The following BBS9 variants were observed in gnomAD, a reference collection of about 807,000 sequenced individuals.
The protein encoded by BBS9 is Bardet-Biedl syndrome 9.
BBS9 carries 89 observed loss-of-function variants against 117.7 expected under a neutral mutation model. The ratio of observed to expected loss-of-function variants is 0.76; its 90% CI spans 0.64 to 0.90. The LOEUF (loss-of-function observed/expected upper bound fraction) is 0.90. Among genes scored for constraint, BBS9 ranks in the 40% least tolerant of loss-of-function variants. The pLI is 0.00. For missense variants in BBS9, 982 were observed against 1,042.2 expected (o/e 0.94, Z 0.80); for synonymous variants, 379 against 370.9 (o/e 1.02, Z -0.25).
At chr7:33,246,004 T>G (rs2128292285) in intron 5 of BBS9, among the ~76,000 whole-genome samples, 1 of 152,204 alleles carries the variant, frequency 6.6e-6, no homozygotes, top group East Asian at 1.9e-4. Flanking sequence ...ATCTTGGAAG[T>G]TTTTGAGTGG....
At chr7:33,630,975 A>G (rs1323828593) in intron 21 of BBS9, among the ~76,000 whole-genome samples, 1 of 152,180 alleles carries the variant, frequency 6.6e-6, no homozygotes, top group Non-Finnish European at 1.5e-5. Context: ...ACTTTACTCA[A>G]TGAATTCCAT....
chr7:33,456,849 A>C (rs1315130504), intron 19 of BBS9, among the ~76,000 whole-genome samples: 1 of 152,240 alleles, frequency 6.6e-6, no homozygotes, highest in African/African-American at 2.4e-5. Context: ...AATCAGTCAT[A>C]AATAGAAGGA....
Position 33,308,841 on chromosome 7 carries a change from A to G in BBS9, c.1017-27600A>G, listed in dbSNP as rs1289912342. 2.0e-5 allele frequency among the ~76,000 whole-genome samples: 3 copies of G among 152,220 alleles called. No individual in the cohort carries two copies. The South Asian group carries it at 6.2e-4, about 32-fold the overall frequency. ...AATGAGAAGACTCCACCTCTCACTT[A>G]TGGCCTCTTAGGAGCCACCAACTAT... On this transcript the variant is annotated intron_variant, in intron 9 of 22. Transcript: ENST00000242067.
chr7:33,597,145 A>T (rs1393738217), intron 21 of BBS9, among the ~76,000 whole-genome samples: 1 of 151,608 alleles, frequency 6.6e-6, no homozygotes, highest in Non-Finnish European at 1.5e-5. Context: ...ATATTTATAG[A>T]GTCTCTGAGT....
At chr7:33,334,453 T>C (rs1814848613) in intron 9 of BBS9, among the ~76,000 whole-genome samples, 1 of 152,130 alleles carries the variant, frequency 6.6e-6, no homozygotes, top group Non-Finnish European at 1.5e-5. Flanking sequence ...ATTGGGTTCG[T>C]AGGGCTTAGT....
At chr7:33,531,137 CA>C (rs1288259288) in intron 20 of BBS9, among the ~76,000 whole-genome samples, 1 of 152,152 alleles carries the variant, frequency 6.6e-6, no homozygotes, top group African/African-American at 2.4e-5. Flanking sequence ...CCCAGCTACT[CA>C]GGAGGCTGAG....
At chr7:33,488,544 A>G (rs1177945358) in intron 19 of BBS9, among the ~76,000 whole-genome samples, 1 of 152,218 alleles carries the variant, frequency 6.6e-6, no homozygotes, top group East Asian at 1.9e-4. Context: ...TCTGGGCCTT[A>G]GAACTTTTCT....
At chr7:33,590,477 T>TTTTTTA (rs1861724062) in intron 21 of BBS9, among the ~76,000 whole-genome samples, 5 of 150,012 alleles carry the variant, frequency 3.3e-5, no homozygotes, top group African/African-American at 1.2e-4. Flanking sequence ...TTTTTTTTTT[T>TTTTTTA]ACCAGATCAG....
chr7:33,405,873 T>C (rs1390247536), intron 19 of BBS9, among the ~76,000 whole-genome samples: 1 of 152,344 alleles, frequency 6.6e-6, no homozygotes, highest in Non-Finnish European at 1.5e-5. Flanking sequence ...TAGTTATTTC[T>C]TGCCTTCTGC....
chr7:33,229,944 T>C (rs1001868205), intron 5 of BBS9, among the ~76,000 whole-genome samples: 3 of 152,154 alleles, frequency 2.0e-5, no homozygotes, highest in Non-Finnish European at 4.4e-5. Flanking sequence ...TTTTTGATAA[T>C]AGCCATCTAA....
intron 5 of BBS9, among the ~76,000 whole-genome samples, chr7:33,214,667 A>G (rs1460491839): frequency 6.6e-6 from 1 of 152,146 alleles, no homozygotes; most frequent in Non-Finnish European, 1.5e-5. Context: ...TTACAATGAA[A>G]ACTATAAAAC....
chr7:33,259,482 G>T (rs553306820), intron 6 of BBS9, among the ~76,000 whole-genome samples: 1 of 152,164 alleles, frequency 6.6e-6, no homozygotes, highest in South Asian at 2.1e-4. Flanking sequence ...ATCTAATTCA[G>T]GGGCACACTT....
At chr7:33,607,106 G>A (rs1864616088), downstream of BBS9, among the ~76,000 whole-genome samples, 1 of 151,954 alleles carries the variant, frequency 6.6e-6, no homozygotes, top group African/African-American at 2.4e-5. Context: ...TCCTTTCCTG[G>A]TAGGATAGAT....
intron 19 of BBS9, among the ~76,000 whole-genome samples, chr7:33,400,155 A>G (rs970623786): frequency 6.6e-6 from 1 of 152,150 alleles, no homozygotes; most frequent in Non-Finnish European, 1.5e-5. Context: ...CTTTTCTGAA[A>G]TAAACTATTC....
intron 9 of BBS9, among the ~76,000 whole-genome samples, chr7:33,297,427 A>T (rs1167137062): frequency 6.6e-6 from 1 of 152,192 alleles, no homozygotes; most frequent in African/African-American, 2.4e-5. Context: ...AGAAATTGTA[A>T]TCATTGATCA....
At chr7:33,525,801 C>G (rs1849396243) in intron 20 of BBS9, among the ~76,000 whole-genome samples, 1 of 139,258 alleles carries the variant, frequency 7.2e-6, no homozygotes, top group Non-Finnish European at 1.5e-5. Context: ...ATGATGTTAG[C>G]TGGTGATTTT....
At chr7:33,392,472 C>T (rs894625815) in intron 19 of BBS9, among the ~76,000 whole-genome samples, 1 of 152,148 alleles carries the variant, frequency 6.6e-6, no homozygotes, top group Admixed American at 6.5e-5. Flanking sequence ...CACATGGTGA[C>T]TATATGTCCC....
chr7:33,182,912 G>T (rs192654752), intron 5 of BBS9, among the ~76,000 whole-genome samples: 16 of 152,190 alleles, frequency 1.1e-4, no homozygotes, highest in African/African-American at 3.9e-4. Context: ...AAAAGGGATG[G>T]GTAGCAGCCC....
chr7:33,411,792 G>A (rs1477835669), intron 19 of BBS9, among the ~76,000 whole-genome samples: 1 of 152,086 alleles, frequency 6.6e-6, no homozygotes, highest in African/African-American at 2.4e-5. Flanking sequence ...AAAGGATTGT[G>A]CTATCAAATA....
Sources: gnomAD v4.1 joint callset for allele counts (sites outside exome capture counted in the v4.1 genomes callset) on GRCh38, gnomAD v4.1.1 for gene constraint, MANE v1.5 for transcripts, NCBI Gene and HGNC (gene_info 2026-07-23, HGNC 2026-07-21) for gene names.